DNAH5: variants seen among roughly 807,000 people sequenced by gnomAD.
DNAH5 encodes the protein axonemal beta dynein heavy chain 5.
A neutral mutation model predicts 518.2 loss-of-function variants in DNAH5; 372 were observed. The ratio of observed to expected loss-of-function variants is 0.72; its 90% CI spans 0.66 to 0.78. The LOEUF is 0.78. DNAH5 is among the 30% of genes least tolerant of loss of function. The pLI, the probability that DNAH5 is intolerant of heterozygous loss-of-function variation, is 0.00. For synonymous variants in DNAH5, 2,039 were observed against 2,025.9 expected (o/e 1.01, Z -0.17); for missense variants, 5,523 against 5,687.0 (o/e 0.97, Z 0.93).
intron 32 of DNAH5, among the ~76,000 whole-genome samples, chr5:13,842,128 C>G (rs1298601744): frequency 6.6e-6 from 1 of 151,620 alleles, no homozygotes; most frequent in Non-Finnish European, 1.5e-5. Flanking sequence ...ACCTGTAATC[C>G]CAGCACTTTG....
chr5:13,997,574 G>A (rs1191088026), intron 1 of DNAH5, among the ~76,000 whole-genome samples: 1 of 152,030 alleles, frequency 6.6e-6, no homozygotes, highest in East Asian at 1.9e-4. Context: ...AAAGATACAG[G>A]CTTTCTCTAC....
intron 47 of DNAH5, among the ~76,000 whole-genome samples, chr5:13,794,882 G>A (rs1257516319): frequency 6.6e-6 from 1 of 152,186 alleles, no homozygotes; most frequent in Admixed American, 6.5e-5. Context: ...CAGGACAATG[G>A]TGTGAACCCG....
chr5:13,726,460 G>T (rs982198708), intron 70 of DNAH5, among the ~76,000 whole-genome samples: 1 of 152,198 alleles, frequency 6.6e-6, no homozygotes, highest in African/African-American at 2.4e-5. Flanking sequence ...ACAAAAAAGA[G>T]TTACTTAAAT....
At chr5:13,722,132 C>T (rs1745134980) in intron 70 of DNAH5, among the ~76,000 whole-genome samples, 1 of 152,126 alleles carries the variant, frequency 6.6e-6, no homozygotes, top group Non-Finnish European at 1.5e-5. Flanking sequence ...CTGCAACTCT[C>T]CCAAGGGCTA....
At chr5:13,954,757 G>A (rs1419320983) in intron 1 of DNAH5, among the ~76,000 whole-genome samples, 1 of 152,156 alleles carries the variant, frequency 6.6e-6, no homozygotes, top group African/African-American at 2.4e-5. Flanking sequence ...CCATTAAACT[G>A]CCCCAGCGTT....
At chr5:13,762,634 C>A in intron 60 of DNAH5, 88 bp downstream of exon 60, 1 of 1,200,172 alleles carries the variant, frequency 8.3e-7, no homozygotes, top group Non-Finnish European at 1.2e-6. Context: ...CCAGAAGCCA[C>A]AGGCACATGT....
intron 25 of DNAH5, 27 bp downstream of exon 25, chr5:13,867,747 C>T (rs749354969): frequency 5.7e-5 from 90 of 1,571,366 alleles, no homozygotes; most frequent in Non-Finnish European, 6.9e-5. Context: ...TCCCCGAAAA[C>T]GCACACAGAG....
intron 1 of DNAH5, among the ~76,000 whole-genome samples, chr5:13,968,106 G>C (rs1041442490): frequency 3.3e-5 from 5 of 152,082 alleles, no homozygotes; most frequent in African/African-American, 1.2e-4. Flanking sequence ...AAGGGGTTGA[G>C]TTCTTGATTT....
chr5:13,741,761 A>C (rs1748580368), intron 65 of DNAH5, among the ~76,000 whole-genome samples: 1 of 152,314 alleles, frequency 6.6e-6, no homozygotes, highest in South Asian at 2.1e-4. Flanking sequence ...AGGGAAGAAA[A>C]GTAAAGCAGT....
intron 76 of DNAH5, among the ~76,000 whole-genome samples, chr5:13,705,992 G>T (rs879533604): frequency 1.4e-4 from 22 of 152,190 alleles, no homozygotes; most frequent in Admixed American, 1.4e-3. Context: ...GCCACCTCCA[G>T]AATTGCAAGA....
intron 1 of DNAH5, among the ~76,000 whole-genome samples, chr5:13,968,114 T>C (rs146888368): frequency 5.9e-5 from 9 of 152,324 alleles, no homozygotes; most frequent in South Asian, 2.1e-4. Context: ...GAGTTCTTGA[T>C]TTGATTCTCA....
chr5:13,760,438 C>T (rs1458846045), intron 60 of DNAH5, among the ~76,000 whole-genome samples: 1 of 152,046 alleles, frequency 6.6e-6, no homozygotes, highest in African/African-American at 2.4e-5. Flanking sequence ...AGTCTAGTCC[C>T]CGGCACATAA....
intron 40 of DNAH5, 86 bp from the exon 41 acceptor site, chr5:13,820,585 GA>G: frequency 6.6e-7 from 1 of 1,512,520 alleles, no homozygotes; most frequent in South Asian, 1.1e-5. Context: ...AACAATTTGG[GA>G]GGCCGAGGCG....
At chr5:14,003,170 A>T (rs1003999432) in intron 1 of DNAH5, among the ~76,000 whole-genome samples, 4 of 152,198 alleles carry the variant, frequency 2.6e-5, no homozygotes, top group African/African-American at 9.6e-5. Flanking sequence ...AATCTAACTG[A>T]TCTATTTCTA....
intron 23 of DNAH5, among the ~76,000 whole-genome samples, chr5:13,871,309 T>C (rs1045108783): frequency 2.0e-4 from 30 of 152,200 alleles, no homozygotes; most frequent in Non-Finnish European, 8.8e-5. Context: ...TAAATTTTAA[T>C]TCAAAATATA....
chr5:13,813,120 C>G (rs1473847511), intron 43 of DNAH5, among the ~76,000 whole-genome samples: 1 of 152,144 alleles, frequency 6.6e-6, no homozygotes, highest in Non-Finnish European at 1.5e-5. Flanking sequence ...CATTTCCAAT[C>G]TGATTCTTCT....
At chr5:13,786,919 T>A (rs1053362774) in intron 51 of DNAH5, among the ~76,000 whole-genome samples, 4 of 152,276 alleles carry the variant, frequency 2.6e-5, no homozygotes, top group South Asian at 4.1e-4. Flanking sequence ...TATACTTTTT[T>A]AAAAAATTAG....
intron 1 of DNAH5, among the ~76,000 whole-genome samples, chr5:13,971,626 C>A (rs1781879173): frequency 6.6e-6 from 1 of 152,158 alleles, no homozygotes; most frequent in Non-Finnish European, 1.5e-5. Flanking sequence ...GTGATGTGAT[C>A]CATCTTCAGG....
chr5:13,830,823 A>C, intron 35 of DNAH5, 48 bp from the exon 36 acceptor site: 1 of 1,592,766 alleles, frequency 6.3e-7, no homozygotes, highest in Non-Finnish European at 8.6e-7. Context: ...TCACCTGGAA[A>C]TACTTCTGAG....
Sources: gnomAD v4.1 joint callset for allele counts (sites outside exome capture counted in the v4.1 genomes callset) on GRCh38, gnomAD v4.1.1 for gene constraint, MANE v1.5 for transcripts, NCBI Gene and HGNC (gene_info 2026-07-23, HGNC 2026-07-21) for gene names.